Variants in EIF4G3 observed in about 807,000 individuals in gnomAD.
EIF4G3 encodes eukaryotic translation initiation factor 4 gamma 3, also known as eIF-4-gamma 3.
A neutral mutation model predicts 186.4 loss-of-function variants in EIF4G3; 34 were observed. The observed-to-expected ratio is 0.18, with a 90% CI of 0.14 to 0.24. The LOEUF (loss-of-function observed/expected upper bound fraction) is 0.24. Among genes scored for constraint, EIF4G3 ranks in the 10% least tolerant of loss-of-function variants. The probability of loss-of-function intolerance (pLI) is 1.00; values close to 1 mark genes in which losing one functional copy is unlikely to be tolerated. For missense variants in EIF4G3, 1,536 were observed against 1,948.5 expected (o/e 0.79, Z 3.99); for synonymous variants, 673 against 679.5 (o/e 0.99, Z 0.15).
chr1:21,176,463 G>C (rs533760551), intron 1 of EIF4G3, 105 bp from the exon 2 acceptor site: 3 of 183,752 alleles, frequency 1.6e-5, no homozygotes, highest in Non-Finnish European at 3.3e-5. Flanking sequence ...GGGGGCAGCG[G>C]GGGGGCGGGA....
At chr1:20,849,284 TTG>T (rs2072446729) in intron 29 of EIF4G3, 129 bp downstream of exon 29, 1 of 450,414 alleles carries the variant, frequency 2.2e-6, no homozygotes, top group Non-Finnish European at 3.9e-6. Context: ...GCAAACTGAA[TTG>T]TGTAGGACTT....
intron 3 of EIF4G3, among the ~76,000 whole-genome samples, chr1:21,074,909 T>C (rs545719254): frequency 6.6e-6 from 1 of 152,246 alleles, no homozygotes; most frequent in South Asian, 2.1e-4. Flanking sequence ...ACCCTGCCTC[T>C]ACAAAAAGTA....
At position 21,010,446 on chromosome 1, in the gene EIF4G3, AAAAG is replaced by A. The variant is rs546525269; in HGVS notation, c.-66-7642_-66-7639del. Among the ~76,000 whole-genome samples the A allele has an allele frequency of 3.8e-3, 550 of 143,986 alleles. 2 individuals carry two copies. The highest frequency in any genetic ancestry group is 0.013 in the African/African-American group (524 of 40,424). The allele number at this position is 143,986 out of a possible 152,430, so 94.5% of individuals were successfully genotyped here. A position where few individuals can be genotyped will look rare whatever the true frequency, so the allele number is the denominator to read the frequency against. ...AAAAAAAAAAAAAAAAAGAAAAAGA[AAAAG>A]AAAGAAAAAGAAAAGAAAAAAGAAA... is the stretch of plus-strand genomic sequence containing the variant. On this transcript the variant is annotated intron_variant, in intron 4 of 36. Coordinates refer to ENST00000602326, the MANE Select transcript of EIF4G3 (RefSeq NM_001391906.1).
At chr1:20,867,636 G>A (rs2077881368) in intron 20 of EIF4G3, among the ~76,000 whole-genome samples, 1 of 152,094 alleles carries the variant, frequency 6.6e-6, no homozygotes, top group African/African-American at 2.4e-5. Context: ...CAACTAGTAT[G>A]GCTATATTAA....
At chr1:21,010,595 G>A (rs1385555342) in intron 4 of EIF4G3, among the ~76,000 whole-genome samples, 1 of 152,076 alleles carries the variant, frequency 6.6e-6, no homozygotes, top group Non-Finnish European at 1.5e-5. Context: ...TATAACCACT[G>A]ATTTCCATTT....
At chr1:21,062,626 G>A (rs1000548974) in intron 3 of EIF4G3, among the ~76,000 whole-genome samples, 7 of 152,030 alleles carry the variant, frequency 4.6e-5, no homozygotes, top group African/African-American at 1.7e-4. Flanking sequence ...AGTTTTACTC[G>A]TTGCCCAAGC....
chr1:20,840,136 C>T (rs2068070424), intron 30 of EIF4G3, among the ~76,000 whole-genome samples: 2 of 152,114 alleles, frequency 1.3e-5, no homozygotes, highest in Non-Finnish European at 2.9e-5. Flanking sequence ...AAATTTTTTA[C>T]CAATGCAAAT....
At chr1:21,065,597 A>C (rs1259979497) in intron 3 of EIF4G3, among the ~76,000 whole-genome samples, 1 of 151,810 alleles carries the variant, frequency 6.6e-6, no homozygotes, top group Non-Finnish European at 1.5e-5. Flanking sequence ...AAAAGAAAAA[A>C]ATGAGAATGG....
chr1:21,176,231 T>TGCCGCCGCCGCCGCCGCTGCCGCC lies in EIF4G3; in HGVS notation c.-329_-328insGGCGGCAGCGGCGGCGGCGGCGGC, dbSNP rs2098102140. The TGCCGCCGCCGCCGCCGCTGCCGCC allele has an allele frequency of 3.0e-6, 1 of 336,926 alleles. No individual in the cohort carries two copies. The highest frequency in any genetic ancestry group is 5.2e-6 in the Non-Finnish European group (1 of 191,796). The allele number at this position is 336,926 out of a possible 1,614,324, so 20.9% of individuals were successfully genotyped here. ...TGTTCGGGTGAGGAGGGGGGACCGC[T>TGCCGCCGCCGCCGCCGCTGCCGCC]GCCGCCGCCGCCGCCGCCGCCGCCG... On this transcript the variant is annotated 5_prime_UTR_variant, in exon 2 of 37. Transcript: ENST00000602326.
intron 4 of EIF4G3, among the ~76,000 whole-genome samples, chr1:21,047,998 G>A (rs537936371): frequency 1.1e-4 from 16 of 152,236 alleles, no homozygotes; most frequent in Admixed American, 9.1e-4. Context: ...ATTAGATTAG[G>A]CAAAATGGTG....
In EIF4G3 at chr1:20,853,271, C is replaced by T. The variant is rs1379323663; in HGVS notation, c.3551+289G>A. On this transcript the variant is annotated intron_variant, in intron 27 of 36. Transcript: ENST00000602326. ...TTCCCATGGTTGAGAATGCTAGGTG[C>T]TTCTAGAACATCTGGAGGATTAGCT... 2.6e-5 allele frequency among the ~76,000 whole-genome samples: 4 copies of T among 152,114 alleles called. No individual in the cohort carries two copies. The East Asian group carries it at 5.8e-4, about 22-fold the overall frequency.
intron 3 of EIF4G3, among the ~76,000 whole-genome samples, chr1:21,087,826 G>GGT (rs1279091800): frequency 3.3e-5 from 5 of 152,056 alleles, no homozygotes; most frequent in African/African-American, 1.2e-4. Flanking sequence ...GTAGAGACGG[G>GGT]GTTTCACTGT....
chr1:20,853,408 A>G, intron 27 of EIF4G3, 152 bp downstream of exon 27: 1 of 529,876 alleles, frequency 1.9e-6, no homozygotes, highest in South Asian at 2.6e-5. Flanking sequence ...TTCCTATCTT[A>G]GAAATTATAG....
At chr1:20,855,532 G>T (rs1320834023) in intron 25 of EIF4G3, among the ~76,000 whole-genome samples, 1 of 152,130 alleles carries the variant, frequency 6.6e-6, no homozygotes, top group Non-Finnish European at 1.5e-5. Context: ...ATTCAATAAA[G>T]AATAAGAAGA....
At chr1:21,083,570 C>A in intron 3 of EIF4G3, among the ~76,000 whole-genome samples, 1 of 151,956 alleles carries the variant, frequency 6.6e-6, no homozygotes, top group East Asian at 1.9e-4. Flanking sequence ...GTGATCCACC[C>A]ACCTCAGCCT....
chr1:20,899,882 C>T lies in EIF4G3; in HGVS notation c.1814G>A (p.Ser605Asn), dbSNP rs138284879. The T allele has an allele frequency of 2.2e-5, 36 of 1,613,886 alleles. No homozygotes were observed. In the African/African-American group the frequency reaches 3.2e-4, roughly 14 times the overall value. Residue 605 changes from serine (S) to asparagine (N), a missense_variant, in exon 16 of 37, where the codon AGC becomes AAC. Physicochemically the swap from Ser to Asn is conservative, Grantham distance 46. Around this residue, in one of 11 missense-constraint regions of EIF4G3, gnomAD observed 560 missense variants for 547.8 expected, o/e 1.02. Coordinates refer to ENST00000602326, the MANE Select transcript of EIF4G3 (RefSeq NM_001391906.1). ...GTCTCTTTCAGGATGAAACCCCTGGCTCATTTTATCTTGTTCAGATTCAAG... is the reference window on the plus strand; with the variant it reads ...GTCTCTTTCAGGATGAAACCCCTGGTTCATTTTATCTTGTTCAGATTCAAG... Reference protein sequence around the residue: ...KVLESEQDKMSQGFHPERDPS... With the variant: ...KVLESEQDKMNQGFHPERDPS...
At chr1:20,975,378 A>C (rs1008359892) in intron 10 of EIF4G3, among the ~76,000 whole-genome samples, 83 of 151,734 alleles carry the variant, frequency 5.5e-4, no homozygotes, top group African/African-American at 1.8e-3. Flanking sequence ...CTTAAAAAAA[A>C]CAAAAAACAA....
At chr1:20,844,323 T>C (rs1192054575) in intron 29 of EIF4G3, among the ~76,000 whole-genome samples, 1 of 152,208 alleles carries the variant, frequency 6.6e-6, no homozygotes, top group East Asian at 1.9e-4. Flanking sequence ...ATTTTTTGAC[T>C]TTTTAATAAT....
chr1:20,893,043 G>A (rs1456712689), intron 18 of EIF4G3: 1 of 278,502 alleles, frequency 3.6e-6, no homozygotes, highest in Non-Finnish European at 6.7e-6. Context: ...GAGTAGCTGG[G>A]ACTAGGACTA....
Sources: gnomAD v4.1 joint callset for allele counts (sites outside exome capture counted in the v4.1 genomes callset) on GRCh38, gnomAD v4.1.1 for gene constraint, gnomAD v4.1.1 regional missense constraint, MANE v1.5 for transcripts, NCBI Gene and HGNC (gene_info 2026-07-23, HGNC 2026-07-21) for gene names.